The following RAB3GAP1 variants were observed in gnomAD, a reference collection of about 807,000 sequenced individuals.
RAB3GAP1 encodes rab3 GTPase-activating protein catalytic subunit.
Under a neutral mutation model 130.7 loss-of-function variants are expected in RAB3GAP1, and 86 were observed. The observed-to-expected ratio is 0.66, with a 90% CI of 0.55 to 0.79. RAB3GAP1 has a LOEUF of 0.79. Among genes scored for constraint, RAB3GAP1 ranks in the 30% least tolerant of loss-of-function variants. RAB3GAP1 has a pLI of 0.00. For missense variants in RAB3GAP1, 1,029 were observed against 1,169.4 expected (o/e 0.88, Z 1.75); for synonymous variants, 367 against 401.7 (o/e 0.91, Z 1.03).
intron 5 of RAB3GAP1, among the ~76,000 whole-genome samples, chr2:135,097,058 G>A (rs1031995779): frequency 3.3e-5 from 5 of 151,656 alleles, no homozygotes; most frequent in African/African-American, 1.2e-4. Flanking sequence ...TTTTTGTGGA[G>A]GTGAGCAGTT....
rs1278512945 is a variant in RAB3GAP1, at chr2:135,058,106, G to A, written c.150+20G>A. On this transcript the variant is annotated intron_variant, in intron 3 of 23. Transcript: ENST00000264158. ...GAAAAGGTCAGATCTATTTGCTGGT[G>A]TCTCTAAATGACTATTTACTTTGAA... 1.3e-6 allele frequency: 2 copies of A among 1,577,022 alleles called. No individual in the cohort carries two copies. Among genetic ancestry groups the A allele is most frequent in the Non-Finnish European group, 1.7e-6 (2 of 1,146,636 alleles).
chr2:135,101,848 C>T (rs1690459475), intron 5 of RAB3GAP1, among the ~76,000 whole-genome samples: 1 of 151,528 alleles, frequency 6.6e-6, no homozygotes, highest in South Asian at 2.1e-4. Flanking sequence ...ACCATCATTA[C>T]AGATTTATTC....
At chr2:135,148,443 C>G (rs1409096196) in intron 17 of RAB3GAP1, among the ~76,000 whole-genome samples, 1 of 150,558 alleles carries the variant, frequency 6.6e-6, no homozygotes, top group African/African-American at 2.4e-5. Context: ...AGAGCCAGGG[C>G]TAGAAGAAAA....
intron 22 of RAB3GAP1, 67 bp from the exon 23 acceptor site, chr2:135,164,527 A>C: frequency 8.0e-7 from 1 of 1,246,920 alleles, no homozygotes; most frequent in Non-Finnish European, 1.2e-6. Context: ...CTCCTGTGGG[A>C]GGATGGACGC....
chr2:135,163,931 G>A (rs1008421745), intron 22 of RAB3GAP1, among the ~76,000 whole-genome samples: 4 of 152,172 alleles, frequency 2.6e-5, no homozygotes, highest in Non-Finnish European at 2.9e-5. Flanking sequence ...CTTTGCTCTT[G>A]AAAATGTCTT....
chr2:135,074,603 A>G (rs1689570252), intron 3 of RAB3GAP1, among the ~76,000 whole-genome samples: 1 of 151,944 alleles, frequency 6.6e-6, no homozygotes, highest in Non-Finnish European at 1.5e-5. Flanking sequence ...GTTGGAGGAG[A>G]GGGAAGGGAG....
chr2:135,135,286 T>A lies in RAB3GAP1; in HGVS notation c.1521T>A (p.Asp507Glu), dbSNP rs1691646791. Residue 507 changes from aspartate (D) to glutamate (E), a missense_variant, in exon 16 of 24, where the codon GAT becomes GAA. By Grantham distance (45) the Asp-to-Glu change is conservative. This residue lies in a region of RAB3GAP1 where 373 missense variants were observed against 493.6 expected (regional missense o/e 0.76). Transcript: ENST00000264158. ...LIPGLASGPP[D>E]LRCCLLHQKL... is the part of the protein sequence containing the mutation. ...ATAGATTAGCAAGTGGACCCCCAGA[T>A]CTGAGGTGTTGTTTACTGCATCAGA... is the stretch of plus-strand genomic sequence containing the variant. 1.9e-6 allele frequency: 3 copies of A among 1,611,154 alleles called. No homozygotes were observed. Among genetic ancestry groups the A allele is most frequent in the Non-Finnish European group, 1.7e-6 (2 of 1,177,346 alleles).
chr2:135,172,434 C>CA (rs34579738), downstream of RAB3GAP1, among the ~76,000 whole-genome samples: 14,574 of 124,584 alleles, frequency 0.12, 980 homozygotes, highest in South Asian at 0.32. Flanking sequence ...GACTCTGTCT[C>CA]AAAAAAAAAA....
intron 3 of RAB3GAP1, among the ~76,000 whole-genome samples, chr2:135,061,298 A>G (rs190666426): frequency 5.4e-4 from 82 of 152,222 alleles, no homozygotes; most frequent in African/African-American, 1.9e-3. Context: ...CTCTTGAGTA[A>G]ATACCTAGGA....
intron 7 of RAB3GAP1, among the ~76,000 whole-genome samples, chr2:135,116,816 A>G (rs1690983126): frequency 6.6e-6 from 1 of 152,186 alleles, no homozygotes; most frequent in African/African-American, 2.4e-5. Flanking sequence ...CGTGAAAGTC[A>G]TATGGGTGTT....
chr2:135,130,509 AG>A, intron 12 of RAB3GAP1, 42 bp from the exon 13 acceptor site: 1 of 1,494,814 alleles, frequency 6.7e-7, no homozygotes, highest in Non-Finnish European at 9.3e-7. Flanking sequence ...TCACCTGCTG[AG>A]GTTGGTGATA....
At chr2:135,108,119 A>G (rs1457081004) in intron 5 of RAB3GAP1, among the ~76,000 whole-genome samples, 1 of 152,192 alleles carries the variant, frequency 6.6e-6, no homozygotes, top group Non-Finnish European at 1.5e-5. Flanking sequence ...GGTACAGGAA[A>G]GAAAAATGCA....
intron 5 of RAB3GAP1, among the ~76,000 whole-genome samples, chr2:135,106,023 C>A (rs1003265819): frequency 6.6e-6 from 1 of 151,064 alleles, no homozygotes; most frequent in African/African-American, 2.4e-5. Flanking sequence ...AAGTGAGGAG[C>A]CCCTCCGCCC....
intron 2 of RAB3GAP1, among the ~76,000 whole-genome samples, chr2:135,054,583 A>G (rs1430099303): frequency 6.6e-6 from 1 of 152,246 alleles, no homozygotes; most frequent in Non-Finnish European, 1.5e-5. Context: ...GGAAGTGTCA[A>G]AGTGAGAAGA....
chr2:135,166,340 C>A (rs1692650818), intron 23 of RAB3GAP1, among the ~76,000 whole-genome samples: 1 of 151,966 alleles, frequency 6.6e-6, no homozygotes, highest in African/African-American at 2.4e-5. Flanking sequence ...AATATAGGAA[C>A]TTTTATATTT....
At chr2:135,074,761 A>C (rs1001997085) in intron 3 of RAB3GAP1, among the ~76,000 whole-genome samples, 4 of 152,196 alleles carry the variant, frequency 2.6e-5, no homozygotes, top group Non-Finnish European at 5.9e-5. Context: ...GATTTAGAGA[A>C]AGTACGTAGA....
chr2:135,130,048 G>A lies in RAB3GAP1; in HGVS notation c.1027G>A (p.Glu343Lys). The change falls in exon 12 of 24, where the codon GAG becomes AAG. Residue 343 changes from glutamate to lysine, a missense_variant. Glu to Lys is a moderately conservative substitution (Grantham distance 56). Around this residue, in one of 3 missense-constraint regions of RAB3GAP1, gnomAD observed 510 missense variants for 532.1 expected, o/e 0.96. Transcript: ENST00000264158. ...TTGCCGTCGAAAGGAGTCAACTGAT[G>A]AGATTCTTGGACGATCTGCATTTGA... ...KICRRKESTD[E>K]ILGRSAFEEE... 6.2e-7 allele frequency: 1 copy of A among 1,612,904 alleles called. No homozygotes were observed. The highest frequency in any genetic ancestry group is 8.5e-7 in the Non-Finnish European group (1 of 1,179,502).
At chr2:135,117,570 GCTTCTTCTTCTGCTT>G (rs1558784372) in intron 7 of RAB3GAP1, among the ~76,000 whole-genome samples, 8 of 20,932 alleles carry the variant, frequency 3.8e-4, no homozygotes, top group East Asian at 3.5e-3. Context: ...TTCTTCTTCT[GCTTCTTCTTCTGCTT>G]CTTCTTCTGC....
chr2:135,109,525 G>A (rs1459493081), intron 5 of RAB3GAP1, among the ~76,000 whole-genome samples: 1 of 151,468 alleles, frequency 6.6e-6, no homozygotes, highest in Non-Finnish European at 1.5e-5. Context: ...TTTGAGTTTT[G>A]TCCATTTTAA....
Sources: allele counts gnomAD v4.1 joint callset (sites outside exome capture counted in the v4.1 genomes callset), GRCh38; gene constraint gnomAD v4.1.1; regional missense constraint gnomAD v4.1.1; transcripts MANE v1.5; gene names NCBI Gene and HGNC (gene_info 2026-07-23, HGNC 2026-07-21).